Variants in ADAMTS20 observed in about 807,000 individuals in gnomAD.
The protein encoded by ADAMTS20 is ADAM metallopeptidase with thrombospondin type 1 motif 20, also known as A disintegrin and metalloproteinase with thrombospondin motifs 20.
In ADAMTS20, 225 loss-of-function variants were observed where a neutral mutation model predicts 260.1. The observed-to-expected ratio is 0.87, with a 90% CI of 0.78 to 0.97. ADAMTS20 has a LOEUF of 0.97. Among genes scored for constraint, ADAMTS20 ranks in the 50% least tolerant of loss-of-function variants. ADAMTS20 has a pLI of 0.00. For synonymous variants in ADAMTS20, 802 were observed against 769.5 expected (o/e 1.04, Z -0.70); for missense variants, 2,400 against 2,337.7 (o/e 1.03, Z -0.55).
chr12:43,442,446 C>T (rs536894450), intron 16 of ADAMTS20, among the ~76,000 whole-genome samples: 1 of 151,726 alleles, frequency 6.6e-6, no homozygotes, highest in Admixed American at 6.6e-5. Flanking sequence ...TTAGTAGACA[C>T]GGGGTTTTGC....
chr12:43,392,960 G>A (rs1178414630), intron 29 of ADAMTS20, among the ~76,000 whole-genome samples: 1 of 151,940 alleles, frequency 6.6e-6, no homozygotes, highest in East Asian at 1.9e-4. Flanking sequence ...CTCCAGCTTT[G>A]GTCACAGTTC....
At chr12:43,460,666 C>A (rs1454229050) in intron 11 of ADAMTS20, among the ~76,000 whole-genome samples, 4 of 151,786 alleles carry the variant, frequency 2.6e-5, no homozygotes, top group Admixed American at 6.6e-5. Flanking sequence ...TAACCAAACA[C>A]AAGAAATGAT....
intron 12 of ADAMTS20, among the ~76,000 whole-genome samples, chr12:43,453,458 T>C (rs1383639130): frequency 6.6e-6 from 1 of 152,044 alleles, no homozygotes; most frequent in African/African-American, 2.4e-5. Flanking sequence ...GATGCGTCTA[T>C]AACACAAGAA....
At position 43,429,711 on chromosome 12, in the gene ADAMTS20, G is replaced by C; in HGVS notation, c.3395C>G (p.Thr1132Arg). ...RPSDRQSCVL[T>R]PCSFISKLET... is the part of the protein sequence containing the mutation. The stretch of plus-strand genomic sequence containing the variant: ...AAGTTTAGAAATAAATGAGCAAGGT[G>C]TAAGTACACAGCTCTGTTCAGAAGA... Residue 1132 changes from threonine (T) to arginine (R), a missense_variant, in exon 24 of 39, where the codon ACA becomes AGA. Coordinates refer to ENST00000389420, the MANE Select transcript of ADAMTS20 (RefSeq NM_025003.5). The C allele has an allele frequency of 6.3e-7, 1 of 1,582,608 alleles. No individual in the cohort carries two copies. Among genetic ancestry groups the C allele is most frequent in the Non-Finnish European group, 8.6e-7 (1 of 1,162,260 alleles).
chr12:43,530,943 T>A (rs1450087120), intron 3 of ADAMTS20, among the ~76,000 whole-genome samples: 5 of 151,958 alleles, frequency 3.3e-5, no homozygotes, highest in Non-Finnish European at 7.4e-5. Context: ...GATTTAAAAA[T>A]CACTTTGTAA....
chr12:43,531,258 G>A (rs922676585), intron 3 of ADAMTS20, among the ~76,000 whole-genome samples: 1 of 151,764 alleles, frequency 6.6e-6, no homozygotes, highest in Non-Finnish European at 1.5e-5. Flanking sequence ...TTTATATAAA[G>A]TTAAAACCAT....
At chr12:43,454,339 A>G (rs1941926368) in intron 11 of ADAMTS20, among the ~76,000 whole-genome samples, 1 of 152,074 alleles carries the variant, frequency 6.6e-6, no homozygotes, top group South Asian at 2.1e-4. Context: ...GTATTTTTTG[A>G]ATAGAAGAAA....
At chr12:43,431,692 A>C (rs1941446408) in intron 21 of ADAMTS20, among the ~76,000 whole-genome samples, 196 bp from the exon 22 acceptor site, 1 of 152,134 alleles carries the variant, frequency 6.6e-6, no homozygotes, top group South Asian at 2.1e-4. Flanking sequence ...GTCCCACTGA[A>C]ACATCCATTT....
At chr12:43,403,716 C>T (rs2137258618) in intron 28 of ADAMTS20, among the ~76,000 whole-genome samples, 1 of 151,874 alleles carries the variant, frequency 6.6e-6, no homozygotes, top group African/African-American at 2.4e-5. Flanking sequence ...AAAATAAAAT[C>T]AATAAAGAAC....
chr12:43,482,153 C>A (rs571903651), intron 7 of ADAMTS20, among the ~76,000 whole-genome samples: 1 of 152,200 alleles, frequency 6.6e-6, no homozygotes, highest in Non-Finnish European at 1.5e-5. Context: ...ATTCTCACAA[C>A]GAACCTCGCA....
intron 4 of ADAMTS20, among the ~76,000 whole-genome samples, chr12:43,496,826 T>C (rs1942683944): frequency 1.3e-5 from 2 of 152,126 alleles, no homozygotes; most frequent in Non-Finnish European, 2.9e-5. Context: ...GAATCTTGAA[T>C]AGGCTAACAC....
chr12:43,464,832 A>G lies in ADAMTS20; in HGVS notation c.1368-100T>C, dbSNP rs531649485. The G allele has an allele frequency of 3.4e-5, 44 of 1,289,722 alleles. No homozygotes were observed. In the Admixed American group the frequency reaches 5.8e-4, roughly 17 times the overall value. The allele number at this position is 1,289,722 out of a possible 1,614,324, so 79.9% of individuals were successfully genotyped here. On this transcript the variant is annotated intron_variant, in intron 9 of 38. Coordinates refer to ENST00000389420, the MANE Select transcript of ADAMTS20 (RefSeq NM_025003.5). ...TTGTAGTTCTTTACTTTCAAAGAGA[A>G]TATCAGTATTTATTCATAACTTTAA...
intron 3 of ADAMTS20, among the ~76,000 whole-genome samples, chr12:43,512,762 GACATGTGAC>G (rs1942943012): frequency 6.6e-6 from 1 of 152,128 alleles, no homozygotes; most frequent in Admixed American, 6.5e-5. Flanking sequence ...AAAACATAGA[GACATGTGAC>G]ACAGATTAGG....
At chr12:43,540,249 C>T (rs1439221737) in intron 2 of ADAMTS20, among the ~76,000 whole-genome samples, 3 of 152,176 alleles carry the variant, frequency 2.0e-5, no homozygotes, top group Non-Finnish European at 4.4e-5. Flanking sequence ...TAAAACTGCA[C>T]ATGGGTCCAA....
At chr12:43,390,194 A>G (rs1383508505) in intron 29 of ADAMTS20, among the ~76,000 whole-genome samples, 1 of 152,218 alleles carries the variant, frequency 6.6e-6, no homozygotes, top group East Asian at 1.9e-4. Flanking sequence ...GAGCTTCAGA[A>G]TGCTGTTGGG....
At chr12:43,490,353 A>C in intron 7 of ADAMTS20, 42 bp downstream of exon 7, 1 of 1,020,356 alleles carries the variant, frequency 9.8e-7, no homozygotes, top group African/African-American at 1.7e-5. Context: ...ATAATTCAAT[A>C]AACAATTACA....
At chr12:43,506,921 A>G (rs1387765775) in intron 3 of ADAMTS20, among the ~76,000 whole-genome samples, 1 of 152,180 alleles carries the variant, frequency 6.6e-6, no homozygotes, top group Non-Finnish European at 1.5e-5. Context: ...TAAGTTTCAC[A>G]AAGGGTAGAA....
chr12:43,510,418 A>G (rs1169646154), intron 3 of ADAMTS20, among the ~76,000 whole-genome samples: 1 of 150,300 alleles, frequency 6.7e-6, no homozygotes, highest in African/African-American at 2.4e-5. Flanking sequence ...ATATATTACT[A>G]TTTTCTTGGC....
intron 2 of ADAMTS20, among the ~76,000 whole-genome samples, chr12:43,540,850 C>A (rs1943367458): frequency 6.6e-6 from 1 of 152,176 alleles, no homozygotes; most frequent in Non-Finnish European, 1.5e-5. Flanking sequence ...ATTTGCCAAG[C>A]TGTTTTGAAA....
Sources: allele counts gnomAD v4.1 joint callset (sites outside exome capture counted in the v4.1 genomes callset), GRCh38; gene constraint gnomAD v4.1.1; transcripts MANE v1.5; gene names NCBI Gene and HGNC (gene_info 2026-07-23, HGNC 2026-07-21).